The following EPC1 variants were observed in gnomAD, a reference collection of about 807,000 sequenced individuals.
The protein encoded by EPC1 is enhancer of polycomb 1.
Under a neutral mutation model 98.4 loss-of-function variants are expected in EPC1, and 12 were observed. The observed-to-expected ratio is 0.12, with a 90% CI of 0.08 to 0.20. The LOEUF is 0.20. Ranked by LOEUF, EPC1 falls within the 10% of genes least tolerant of loss-of-function variation. The pLI, the probability that EPC1 is intolerant of heterozygous loss-of-function variation, is 1.00. For synonymous variants in EPC1, 357 were observed against 363.9 expected, an observed-to-expected ratio of 0.98 and a Z score of 0.21; for missense variants, 729 against 990.5, an observed-to-expected ratio of 0.74 and a Z score of 3.54.
intron 1 of EPC1, among the ~76,000 whole-genome samples, chr10:32,328,189 G>A (rs976966676): frequency 1.3e-5 from 2 of 152,178 alleles, no homozygotes; most frequent in South Asian, 2.1e-4. Context: ...TAAAACATCT[G>A]AACGGGTTAA....
intron 1 of EPC1, among the ~76,000 whole-genome samples, chr10:32,312,740 G>A (rs1303904148): frequency 1.3e-5 from 2 of 152,058 alleles, no homozygotes; most frequent in African/African-American, 2.4e-5. Context: ...ACATGTGCAC[G>A]CACACACAGT....
At chr10:32,345,645 T>G (rs1838722804) in intron 1 of EPC1, 1 of 985,318 alleles carries the variant, frequency 1.0e-6, no homozygotes, top group Non-Finnish European at 1.2e-6. Context: ...GAGAGGAAGA[T>G]TCTATTATCC....
intron 10 of EPC1, among the ~76,000 whole-genome samples, chr10:32,275,745 A>C (rs1265418790): frequency 1.3e-5 from 2 of 151,952 alleles, no homozygotes; most frequent in African/African-American, 4.8e-5. Context: ...ACTGCACTCC[A>C]GCCTGGATGA....
intron 1 of EPC1, among the ~76,000 whole-genome samples, chr10:32,325,698 C>CTGAT (rs1304182909): frequency 6.6e-6 from 1 of 151,960 alleles, no homozygotes; most frequent in Non-Finnish European, 1.5e-5. Context: ...GAATGAAAGG[C>CTGAT]TGATTCTTCC....
chr10:32,376,945 A>G (rs1839882963), intron 1 of EPC1, among the ~76,000 whole-genome samples: 1 of 152,160 alleles, frequency 6.6e-6, no homozygotes, highest in Non-Finnish European at 1.5e-5. Context: ...TACTATCTCC[A>G]TAAACAGCTA....
chr10:32,287,477 C>G (rs1836752330), intron 6 of EPC1, among the ~76,000 whole-genome samples: 1 of 152,164 alleles, frequency 6.6e-6, no homozygotes, highest in African/African-American at 2.4e-5. Context: ...GTCCTACAAT[C>G]TAAACATAAT....
chr10:32,362,691 C>T (rs1839477824), intron 1 of EPC1, among the ~76,000 whole-genome samples: 1 of 152,190 alleles, frequency 6.6e-6, no homozygotes, highest in African/African-American at 2.4e-5. Flanking sequence ...ATGCCTGCTA[C>T]AAAACTCTCT....
At chr10:32,271,317 T>C (rs1376017050) in intron 13 of EPC1, among the ~76,000 whole-genome samples, 2 of 152,174 alleles carry the variant, frequency 1.3e-5, no homozygotes, top group African/African-American at 4.8e-5. Context: ...AAGAAAGGGA[T>C]GTTCCAAATC....
intron 6 of EPC1, among the ~76,000 whole-genome samples, chr10:32,288,146 G>C (rs936692865): frequency 4.0e-5 from 6 of 151,748 alleles, no homozygotes; most frequent in African/African-American, 1.5e-4. Flanking sequence ...GGAAAACTAC[G>C]GTTTTCCCAA....
chr10:32,294,266 C>T (rs1416825382), intron 2 of EPC1, among the ~76,000 whole-genome samples: 1 of 152,216 alleles, frequency 6.6e-6, no homozygotes, highest in Admixed American at 6.5e-5. Flanking sequence ...GAGAATCCCT[C>T]ACCCAAAATG....
chr10:32,299,458 T>C (rs1038350428), intron 2 of EPC1, among the ~76,000 whole-genome samples: 16 of 152,152 alleles, frequency 1.1e-4, no homozygotes, highest in Admixed American at 9.8e-4. Context: ...AGTGCTGGGA[T>C]TACAGGCGTG....
intron 1 of EPC1, chr10:32,346,532 C>A (rs1276910131): frequency 9.4e-6 from 5 of 532,350 alleles, no homozygotes; most frequent in South Asian, 8.9e-5. Flanking sequence ...CTCCGCGGGA[C>A]CCGGGTACAA....
chr10:32,367,949 T>C (rs566448311), intron 1 of EPC1, among the ~76,000 whole-genome samples: 9 of 152,366 alleles, frequency 5.9e-5, no homozygotes, highest in Non-Finnish European at 1.3e-4. Context: ...CAGGAAATGT[T>C]ACATAAGCGA....
Position 32,346,984 on chromosome 10 carries a change from G to C in EPC1, c.-69C>G. On this transcript the variant is annotated 5_prime_UTR_variant, in exon 1 of 14. Coordinates refer to ENST00000319778, the MANE Select transcript of EPC1 (RefSeq NM_001272004.3). ...GGCCAGCGGGATCATGGAGAACCGG[G>C]GGTTCGGTCCCCACTCGCCAACCGC... 6.3e-7 allele frequency: 1 copy of C among 1,584,144 alleles called. No homozygotes were observed. Among genetic ancestry groups the C allele is most frequent in the Non-Finnish European group, 8.5e-7 (1 of 1,171,104 alleles).
intron 1 of EPC1, among the ~76,000 whole-genome samples, chr10:32,355,442 T>G (rs948286594): frequency 6.6e-6 from 1 of 152,180 alleles, no homozygotes; most frequent in African/African-American, 2.4e-5. Context: ...TTAGAAATAT[T>G]TGGTGGTATT....
intron 1 of EPC1, among the ~76,000 whole-genome samples, chr10:32,361,514 A>C (rs1839442181): frequency 6.6e-6 from 1 of 152,202 alleles, no homozygotes; most frequent in African/African-American, 2.4e-5. Context: ...AGTTACGATT[A>C]TAGTTTACTG....
chr10:32,362,075 A>T (rs1276520725), intron 1 of EPC1, among the ~76,000 whole-genome samples: 1 of 152,164 alleles, frequency 6.6e-6, no homozygotes, highest in Non-Finnish European at 1.5e-5. Context: ...AATAACCATA[A>T]AAATGGGCAA....
rs373114468 is a variant in EPC1, at chr10:32,298,077, G to A, written c.314-4340C>T. Among the ~76,000 whole-genome samples, 14 of 152,260 alleles carry A rather than the reference G, an allele frequency of 9.2e-5. No homozygotes were observed. The East Asian group carries it at 1.4e-3, about 15-fold the overall frequency. Reference sequence around the variant, plus strand: ...CTCCCAAAGGGCTGGGATTACAGGCGTGAGCCACCGCGCCTGGCCAGTTAG... The same window carrying A: ...CTCCCAAAGGGCTGGGATTACAGGCATGAGCCACCGCGCCTGGCCAGTTAG... On this transcript the variant is annotated intron_variant, in intron 2 of 13. Transcript: ENST00000319778.
intron 10 of EPC1, 40 bp downstream of exon 10, chr10:32,284,658 A>G (rs773855453): frequency 6.7e-7 from 1 of 1,501,412 alleles, no homozygotes; most frequent in South Asian, 1.2e-5. Flanking sequence ...GTTGGACCTG[A>G]CATTTCTATA....
Sources: gnomAD v4.1 joint callset for allele counts (sites outside exome capture counted in the v4.1 genomes callset) on GRCh38, gnomAD v4.1.1 for gene constraint, MANE v1.5 for transcripts, NCBI Gene and HGNC (gene_info 2026-07-23, HGNC 2026-07-21) for gene names.